Variants in FBXO10 observed in about 807,000 individuals in gnomAD.
FBXO10 encodes the protein F-box protein 10, also known as F-box only protein 10.
A neutral mutation model predicts 80.7 loss-of-function variants in FBXO10; 39 were observed. That is an observed-to-expected ratio of 0.48 (90% CI 0.37 to 0.63). FBXO10 has a LOEUF of 0.63. Among genes scored for constraint, FBXO10 ranks in the 30% least tolerant of loss-of-function variants. The pLI is 0.00. For synonymous variants in FBXO10, 449 were observed against 489.6 expected (o/e 0.92, Z 1.09); for missense variants, 1,025 against 1,269.0 (o/e 0.81, Z 2.92).
At chr9:37,554,400 C>T (rs1436256667) in intron 1 of FBXO10, among the ~76,000 whole-genome samples, 2 of 152,034 alleles carry the variant, frequency 1.3e-5, no homozygotes, top group African/African-American at 4.8e-5. Context: ...TGGTGTGCAT[C>T]AATAGTTTGT....
intron 9 of FBXO10, among the ~76,000 whole-genome samples, chr9:37,517,524 T>G (rs1186292606): frequency 1.3e-5 from 2 of 151,588 alleles, no homozygotes; most frequent in African/African-American, 2.4e-5. Context: ...CTGTGGGGAG[T>G]GCTCTGTGAG....
chr9:37,512,637 C>T lies in FBXO10; in HGVS notation c.2781G>A (p.Gly927=). The T allele has an allele frequency of 1.2e-6, 2 of 1,613,996 alleles. No individual in the cohort carries two copies. The highest frequency in any genetic ancestry group is 1.7e-6 in the Non-Finnish European group (2 of 1,179,900). The change falls in exon 11 of 11, where the codon GGG becomes GGA. Residue 927 remains glycine, a synonymous_variant. Coordinates refer to ENST00000432825, the MANE Select transcript of FBXO10 (RefSeq NM_012166.3). ...TCGTTGCCATGGCTGTCACCTTCTG[C>T]CCATTGTGGGCTGCCGAGGGACGTC... The part of the protein sequence containing the change: ...SLRRPSAAHN[G]QKVTAMATRI...
At chr9:37,555,701 T>G (rs1294826395) in intron 1 of FBXO10, among the ~76,000 whole-genome samples, 1 of 121,858 alleles carries the variant, frequency 8.2e-6, no homozygotes, top group East Asian at 2.1e-4. Flanking sequence ...TTTTTAATTG[T>G]TTTTTTTAAT....
At chr9:37,538,797 C>T (rs937785571) in intron 2 of FBXO10, among the ~76,000 whole-genome samples, 1 of 152,046 alleles carries the variant, frequency 6.6e-6, no homozygotes. Flanking sequence ...CCTCAGTTTC[C>T]TTGTCTGCAG....
intron 1 of FBXO10, among the ~76,000 whole-genome samples, chr9:37,547,706 G>A (rs199709380): frequency 1.3e-5 from 2 of 151,970 alleles, no homozygotes; most frequent in African/African-American, 2.4e-5. Flanking sequence ...CACCTGTAAT[G>A]CCAGCACTTT....
chr9:37,521,458 TAA>T, intron 8 of FBXO10, 109 bp downstream of exon 8: 2 of 1,306,294 alleles, frequency 1.5e-6, no homozygotes, highest in Non-Finnish European at 2.0e-6. Context: ...TCTTTGACAT[TAA>T]AGTTTACTTT....
chr9:37,542,857 T>C (rs867295759), intron 1 of FBXO10, among the ~76,000 whole-genome samples: 3 of 152,162 alleles, frequency 2.0e-5, no homozygotes, highest in African/African-American at 7.2e-5. Flanking sequence ...CTAGTTTGAT[T>C]TGGGCTTCTG....
chr9:37,529,438 AC>A (rs1821561472), intron 4 of FBXO10, among the ~76,000 whole-genome samples, 178 bp from the exon 5 acceptor site: 1 of 152,184 alleles, frequency 6.6e-6, no homozygotes, highest in Non-Finnish European at 1.5e-5. Flanking sequence ...CCCTTCCTGC[AC>A]CAGTACACAC....
rs117795987 is a variant in FBXO10 at position 37,513,537 on chromosome 9, T to G, written c.2697-816A>C. Among the ~76,000 whole-genome samples the G allele has an allele frequency of 3.5e-4, 54 of 152,232 alleles. No individual in the cohort carries two copies. In the East Asian group the frequency reaches 0.01, roughly 29 times the overall value. On this transcript the variant is annotated intron_variant, in intron 10 of 10. Transcript: ENST00000432825. ...GTGAAAGAAGCCAGACTCAAAAGAC[T>G]ACATACTGCAGGATTTCTGGGTTTT...
intron 2 of FBXO10, 36 bp downstream of exon 2, chr9:37,541,148 G>C (rs371510069): frequency 6.5e-7 from 1 of 1,532,634 alleles, no homozygotes; most frequent in Non-Finnish European, 8.8e-7. Flanking sequence ...TCTGGGGTCA[G>C]AACTAGAAAG....
At chr9:37,557,823 T>A (rs1005641595) in intron 1 of FBXO10, among the ~76,000 whole-genome samples, 1 of 152,206 alleles carries the variant, frequency 6.6e-6, no homozygotes, top group African/African-American at 2.4e-5. Flanking sequence ...TTTTTCCTTA[T>A]TATTTAGCCA....
intron 9 of FBXO10, 45 bp from the exon 10 acceptor site, chr9:37,516,130 A>G (rs1370839536): frequency 6.3e-7 from 1 of 1,579,620 alleles, no homozygotes; most frequent in Admixed American, 1.8e-5. Context: ...GGATTCACAG[A>G]CTGAGTGGGA....
chr9:37,525,020 G>T, intron 6 of FBXO10, 82 bp downstream of exon 6: 2 of 1,176,424 alleles, frequency 1.7e-6, no homozygotes, highest in Non-Finnish European at 2.5e-6. Flanking sequence ...GGGTAAAGGA[G>T]CAGTGTGAGG....
intron 1 of FBXO10, among the ~76,000 whole-genome samples, chr9:37,574,658 C>A (rs1159976051): frequency 6.6e-6 from 1 of 152,200 alleles, no homozygotes; most frequent in Non-Finnish European, 1.5e-5. Flanking sequence ...CAATTCAGGC[C>A]TCTCTGTGTG....
At chr9:37,536,744 G>A (rs1203808586) in intron 3 of FBXO10, among the ~76,000 whole-genome samples, 1 of 152,164 alleles carries the variant, frequency 6.6e-6, no homozygotes, top group Non-Finnish European at 1.5e-5. Flanking sequence ...AGTTTGGAGT[G>A]AAGGTAGTAA....
Position 37,541,623 on chromosome 9 carries a change from C to T in FBXO10, c.146G>A (p.Cys49Tyr), listed in dbSNP as rs1371583384. 7.4e-6 allele frequency: 12 copies of T among 1,613,872 alleles called. No individual in the cohort carries two copies. Among genetic ancestry groups the T allele is most frequent in the Non-Finnish European group, 9.3e-6 (11 of 1,179,840 alleles). ...SLDSTRWRQL[C>Y]LGCTECRHPN... ...ATGGCGGCACTCGGTGCAACCCAGA[C>T]ACAGCTGCCGCCAGCGGGTGCTGTC... The change falls in exon 2 of 11, where the codon TGT becomes TAT. Residue 49 changes from cysteine to tyrosine, a missense_variant. Physicochemically the swap from Cys to Tyr is radical, Grantham distance 194. Transcript: ENST00000432825.
rs764134021 is a variant in FBXO10 at position 37,529,222 on chromosome 9, G to A, written c.1608C>T (p.Val536=). The change falls in exon 5 of 11, where the codon GTC becomes GTT. Residue 536 remains valine, a synonymous_variant. Transcript: ENST00000432825. ...QIHHGLRSGI[V]VLGNGKGIIR... ...TGATGCCTTTCCCATTGCCAAGGAC[G>A]ACAATGCCAGAGCGAAGGCCATGGT... 24 of 1,612,472 alleles carry A rather than the reference G, an allele frequency of 1.5e-5. No individual in the cohort carries two copies. Among genetic ancestry groups the A allele is most frequent in the South Asian group, 5.5e-5 (5 of 90,686 alleles).
intron 2 of FBXO10, among the ~76,000 whole-genome samples, chr9:37,540,853 C>T (rs2119124900): frequency 6.6e-6 from 1 of 152,286 alleles, no homozygotes; most frequent in African/African-American, 2.4e-5. Flanking sequence ...TGCTTCCTGT[C>T]ACCAAGTGGC....
At chr9:37,562,980 CCA>C (rs66652368) in intron 1 of FBXO10, among the ~76,000 whole-genome samples, 25,174 of 152,056 alleles carry the variant, frequency 0.17, 2,193 homozygotes, top group Middle Eastern at 0.25. Flanking sequence ...GGCTGTGTCC[CCA>C]CCCAAAATCT....
Sources: gnomAD v4.1 joint callset for allele counts (sites outside exome capture counted in the v4.1 genomes callset) on GRCh38, gnomAD v4.1.1 for gene constraint, MANE v1.5 for transcripts, NCBI Gene and HGNC (gene_info 2026-07-23, HGNC 2026-07-21) for gene names.